RFTN1: variants seen among roughly 807,000 people sequenced by gnomAD.
RFTN1 encodes the protein raftlin, lipid raft linker 1.
Under a neutral mutation model 46.5 loss-of-function variants are expected in RFTN1, and 26 were observed. The observed-to-expected ratio is 0.56, with a 90% CI of 0.41 to 0.78. The LOEUF (loss-of-function observed/expected upper bound fraction) is 0.78. RFTN1 is among the 30% of genes least tolerant of loss of function. RFTN1 has a pLI of 0.00. For missense variants in RFTN1, 693 were observed against 718.7 expected (o/e 0.96, Z 0.41); for synonymous variants, 261 against 284.2 (o/e 0.92, Z 0.82).
rs879802421 is a variant in RFTN1, at chr3:16,345,828, GTGCGCGCA to G, written c.1146+12096_1146+12103del. 0.046 allele frequency among the ~76,000 whole-genome samples: 3,484 copies of G among 75,590 alleles called. 75 individuals carry two copies. Among genetic ancestry groups the G allele is most frequent in the South Asian group, 0.079 (123 of 1,548 alleles). 49.6% of individuals were successfully genotyped at this position (75,590 alleles called of 152,430 possible). A position where few individuals can be genotyped will look rare whatever the true frequency, so the allele number is the denominator to read the frequency against. ...TGTGTGTGTGTGTGTGCGCGCGCGC[GTGCGCGCA>G]CGCGCACATGTGCATGTGTATGTGT... On this transcript the variant is annotated intron_variant, in intron 7 of 9. Transcript: ENST00000334133. This position sits in a 1 kb window ranked among gnomAD's most constrained non-coding sequence, Gnocchi z 5.2.
Position 16,400,532 on chromosome 3 carries a change from A to T in RFTN1, c.441+8843T>A, listed in dbSNP as rs997359683. 6.6e-6 allele frequency among the ~76,000 whole-genome samples: 1 copy of T among 152,362 alleles called. No individual in the cohort carries two copies. The highest frequency in any genetic ancestry group is 2.4e-5 in the African/African-American group (1 of 41,576). ...AGGGCATTACCTAGACCGGCTTACT[A>T]AAGTATTCCCAAACACTACCAGCAA... On this transcript the variant is annotated intron_variant, in intron 4 of 9. Transcript: ENST00000334133. The surrounding 1 kb of genome is among the most constrained non-coding windows in gnomAD (Gnocchi z 4.5).
At position 16,489,922 on chromosome 3, in the gene RFTN1, T is replaced by G. The variant is rs750061233; in HGVS notation, c.145+3803A>C. ...GACTCCATGTCAAAAAAAAACAAAATAAAGAAAGAAAAATGAGGTGAGGAC... is the reference window on the plus strand; with the variant it reads ...GACTCCATGTCAAAAAAAAACAAAAGAAAGAAAGAAAAATGAGGTGAGGAC... On this transcript the variant is annotated intron_variant, in intron 2 of 9. Transcript: ENST00000334133. The surrounding 1 kb of genome is among the most constrained non-coding windows in gnomAD (Gnocchi z 4.0). Among the ~76,000 whole-genome samples, 1 of 150,710 alleles carries G rather than the reference T, an allele frequency of 6.6e-6. No homozygotes were observed. The highest frequency in any genetic ancestry group is 6.6e-5 in the Admixed American group (1 of 15,176).
rs1157980601 is a variant in RFTN1, at chr3:16,457,633, C to T, written c.146-23596G>A. On this transcript the variant is annotated intron_variant, in intron 2 of 9. Transcript: ENST00000334133. This position sits in a 1 kb window ranked among gnomAD's most constrained non-coding sequence, Gnocchi z 4.2. Reference sequence around the variant, plus strand: ...AAATTTTAGTTTTTTGTTTCGGTGCCTCTGATTGAAAGTGGCAAGTGCTGC... The same window carrying T: ...AAATTTTAGTTTTTTGTTTCGGTGCTTCTGATTGAAAGTGGCAAGTGCTGC... Among the ~76,000 whole-genome samples the T allele has an allele frequency of 1.3e-5, 2 of 151,974 alleles. No homozygotes were observed. The highest frequency in any genetic ancestry group is 2.9e-5 in the Non-Finnish European group (2 of 67,986).
intron 4 of RFTN1, among the ~76,000 whole-genome samples, chr3:16,398,199 A>G (rs2074515736): frequency 6.8e-6 from 1 of 146,894 alleles, no homozygotes; most frequent in Non-Finnish European, 1.5e-5. Flanking sequence ...GTAAGCCGAG[A>G]TCGCACCACT....
At chr3:16,485,993 A>T (rs1308175063) in intron 2 of RFTN1, among the ~76,000 whole-genome samples, 1 of 152,192 alleles carries the variant, frequency 6.6e-6, no homozygotes, top group Non-Finnish European at 1.5e-5. Flanking sequence ...GGGCTACTTG[A>T]ATCATCAAGT....
chr3:16,394,877 C>T (rs1394632096), intron 4 of RFTN1, among the ~76,000 whole-genome samples: 1 of 152,014 alleles, frequency 6.6e-6, no homozygotes, highest in Non-Finnish European at 1.5e-5. Context: ...GAGATAGCAT[C>T]ATTTATGAAT....
rs2075308523 is a variant in RFTN1 at position 16,427,508 on chromosome 3, C to T, written c.332+6343G>A. 6.6e-6 allele frequency among the ~76,000 whole-genome samples: 1 copy of T among 152,240 alleles called. No individual in the cohort carries two copies. Among genetic ancestry groups the T allele is most frequent in the Non-Finnish European group, 1.5e-5 (1 of 68,048 alleles). ...CCTGGGTGGACAAGGCTGACTCATT[C>T]AGTCATCTGTGTTGCTCGTAAGCAC... On this transcript the variant is annotated intron_variant, in intron 3 of 9. Coordinates refer to ENST00000334133, the MANE Select transcript of RFTN1 (RefSeq NM_015150.2). This position sits in a 1 kb window ranked among gnomAD's most constrained non-coding sequence, Gnocchi z 5.4.
intron 7 of RFTN1, among the ~76,000 whole-genome samples, chr3:16,331,995 T>G (rs548072449): frequency 6.6e-6 from 1 of 152,380 alleles, no homozygotes; most frequent in Non-Finnish European, 1.5e-5. Flanking sequence ...TGATTACTAA[T>G]ATTTTAACTG....
At position 16,396,978 on chromosome 3, in the gene RFTN1, G is replaced by C. The variant is rs538172433; in HGVS notation, c.441+12397C>G. On this transcript the variant is annotated intron_variant, in intron 4 of 9. Transcript: ENST00000334133. Reference sequence around the variant, plus strand: ...CTCGGGAGGCTGAGGCAGGAGAATCGCTTGAACCTGGGAGGCAGAGGTTGC... The same window carrying C: ...CTCGGGAGGCTGAGGCAGGAGAATCCCTTGAACCTGGGAGGCAGAGGTTGC... Among the ~76,000 whole-genome samples the C allele has an allele frequency of 4.6e-5, 7 of 151,270 alleles. No individual in the cohort carries two copies. In the South Asian group the frequency reaches 1.5e-3, roughly 32 times the overall value.
rs2073789125 is a variant in RFTN1 at position 16,376,750 on chromosome 3, T to A, written c.826+968A>T. Among the ~76,000 whole-genome samples, 1 of 152,176 alleles carries A rather than the reference T, an allele frequency of 6.6e-6. No individual in the cohort carries two copies. The highest frequency in any genetic ancestry group is 2.4e-5 in the African/African-American group (1 of 41,434). ...TCTCCCTCTAAATCAACTTTGCAAA[T>A]AAGCCCCTGGAATTAACCATCCCAT... On this transcript the variant is annotated intron_variant, in intron 5 of 9. Transcript: ENST00000334133. The surrounding 1 kb of genome is among the most constrained non-coding windows in gnomAD (Gnocchi z 4.7).
chr3:16,419,100 G>C (rs116376070), intron 3 of RFTN1, among the ~76,000 whole-genome samples: 1 of 152,302 alleles, frequency 6.6e-6, no homozygotes, highest in East Asian at 1.9e-4. Context: ...ATTGAGAAAA[G>C]CATGAGTTAT....
intron 2 of RFTN1, among the ~76,000 whole-genome samples, chr3:16,461,125 T>C (rs2076002711): frequency 6.6e-6 from 1 of 152,236 alleles, no homozygotes; most frequent in Non-Finnish European, 1.5e-5. Context: ...ATGGGCCCCA[T>C]TAAGCAAGGT....
chr3:16,511,842 A>C (rs1272654299), intron 1 of RFTN1, among the ~76,000 whole-genome samples: 1 of 152,102 alleles, frequency 6.6e-6, no homozygotes, highest in South Asian at 2.1e-4. Flanking sequence ...TCCTGTACCA[A>C]ATCTACTAGC....
chr3:16,472,887 C>G (rs953331369), intron 2 of RFTN1, among the ~76,000 whole-genome samples: 1 of 152,150 alleles, frequency 6.6e-6, no homozygotes, highest in Non-Finnish European at 1.5e-5. Context: ...ACCAAGAACT[C>G]TGGATTCTTC....
chr3:16,387,755 C>G lies in RFTN1; in HGVS notation c.442-9653G>C, dbSNP rs1191257061. On this transcript the variant is annotated intron_variant, in intron 4 of 9. Coordinates refer to ENST00000334133, the MANE Select transcript of RFTN1 (RefSeq NM_015150.2). This position sits in a 1 kb window ranked among gnomAD's most constrained non-coding sequence, Gnocchi z 5.2. ...CACCGACTCCACCTCCACTCACTCT[C>G]TAGCTTCTGTACTGCCTCCTCACCG... Among the ~76,000 whole-genome samples, 2 of 152,154 alleles carry G rather than the reference C, an allele frequency of 1.3e-5. No homozygotes were observed. The highest frequency in any genetic ancestry group is 2.9e-5 in the Non-Finnish European group (2 of 68,026).
intron 2 of RFTN1, among the ~76,000 whole-genome samples, chr3:16,438,672 T>C (rs909746964): frequency 2.0e-5 from 3 of 147,960 alleles, no homozygotes; most frequent in African/African-American, 7.4e-5. Flanking sequence ...ACCCCAGTCA[T>C]GTGAACACTC....
intron 6 of RFTN1, among the ~76,000 whole-genome samples, chr3:16,364,983 T>A (rs1368654362): frequency 6.6e-6 from 1 of 152,002 alleles, no homozygotes; most frequent in African/African-American, 2.4e-5. Context: ...GCCACTGAGC[T>A]ATATCCTATG....
In RFTN1 at chr3:16,474,083, G is replaced by C. The variant is rs953845752; in HGVS notation, c.145+19642C>G. On this transcript the variant is annotated intron_variant, in intron 2 of 9. Coordinates refer to ENST00000334133, the MANE Select transcript of RFTN1 (RefSeq NM_015150.2). This position sits in a 1 kb window ranked among gnomAD's most constrained non-coding sequence, Gnocchi z 5.5. ...TTTACATCATTCCTGTCTTGGGGAG[G>C]AAATCTTGCACTTACATTTGACTCT... Among the ~76,000 whole-genome samples, 5 of 152,194 alleles carry C rather than the reference G, an allele frequency of 3.3e-5. No homozygotes were observed. Among genetic ancestry groups the C allele is most frequent in the African/African-American group, 1.2e-4 (5 of 41,448 alleles).
intron 3 of RFTN1, among the ~76,000 whole-genome samples, chr3:16,432,422 G>A (rs1439685958): frequency 2.0e-5 from 3 of 152,332 alleles, no homozygotes; most frequent in East Asian, 1.9e-4. Flanking sequence ...GGAGGCTGAG[G>A]TGGGAGGATG....
Sources: allele counts gnomAD v4.1 joint callset (sites outside exome capture counted in the v4.1 genomes callset), GRCh38; gene constraint gnomAD v4.1.1; non-coding constraint Gnocchi (gnomAD v3.1); transcripts MANE v1.5; gene names NCBI Gene and HGNC (gene_info 2026-07-23, HGNC 2026-07-21).